The following SARS1 variants were observed in gnomAD, a reference collection of about 807,000 sequenced individuals.
SARS1 encodes seryl-tRNA synthetase 1, also known as serine--tRNA ligase, cytoplasmic.
Under a neutral mutation model 63.7 loss-of-function variants are expected in SARS1, and 25 were observed. The observed-to-expected ratio is 0.39, with a 90% confidence interval of 0.29 to 0.55. SARS1 has a LOEUF of 0.55. Among genes scored for constraint, SARS1 ranks in the 20% least tolerant of loss-of-function variants. The pLI, the probability that SARS1 is intolerant of heterozygous loss-of-function variation, is 0.62. For missense variants in SARS1, 417 were observed against 649.7 expected, an observed-to-expected ratio of 0.64 and a Z score of 3.89; for synonymous variants, 231 against 243.5, an observed-to-expected ratio of 0.95 and a Z score of 0.48.
At position 109,235,120 on chromosome 1, in the gene SARS1, C is replaced by T. The variant is rs1233222577; in HGVS notation, c.748-90C>T. On this transcript the variant is annotated intron_variant, in intron 6 of 10. Transcript: ENST00000234677. The surrounding 1 kb of genome is among the most constrained non-coding windows in gnomAD (Gnocchi z 4.7). ...CAGGGATTAAAGGAAATTTTTCCTG[C>T]ACTATTATTGATCTCTTTCTTGTGG... 8 of 1,033,696 alleles carry T rather than the reference C, an allele frequency of 7.7e-6. No individual in the cohort carries two copies. The highest frequency in any genetic ancestry group is 1.0e-5 in the Non-Finnish European group (7 of 666,840). 64.0% of individuals were successfully genotyped at this position (1,033,696 alleles called of 1,614,324 possible). A position where few individuals can be genotyped will look rare whatever the true frequency, so the allele number is the denominator to read the frequency against.
chr1:109,216,625 A>G, intron 1 of SARS1: 1 of 962,560 alleles, frequency 1.0e-6, no homozygotes, highest in African/African-American at 1.8e-5. Context: ...TTGAAAATTG[A>G]AGTTGTTGTT....
At position 109,216,500 on chromosome 1, in the gene SARS1, A is replaced by G. The variant is rs544217045; in HGVS notation, c.136+2372A>G. ...ACTTGGGCATATTTGTCTTGGCCCCACTCCCAAAGCAAATAGATTTCCATG... is the reference window on the plus strand; with the variant it reads ...ACTTGGGCATATTTGTCTTGGCCCCGCTCCCAAAGCAAATAGATTTCCATG... On this transcript the variant is annotated intron_variant, in intron 1 of 10. Coordinates refer to ENST00000234677, the MANE Select transcript of SARS1 (RefSeq NM_006513.4). The G allele has an allele frequency of 7.0e-5, 69 of 984,954 alleles. No individual in the cohort carries two copies. The South Asian group carries it at 3.2e-3, about 46-fold the overall frequency. 61.0% of individuals were successfully genotyped at this position (984,954 alleles called of 1,614,324 possible).
At position 109,238,047 on chromosome 1, in the gene SARS1, G is replaced by C. The variant is rs545342548; in HGVS notation, c.*159G>C. The C allele has an allele frequency of 8.8e-5, 66 of 753,684 alleles. 2 individuals carry two copies. The South Asian group carries it at 1.2e-3, about 14-fold the overall frequency. The allele number at this position is 753,684 out of a possible 1,614,324, so 46.7% of individuals were successfully genotyped here. A position where few individuals can be genotyped will look rare whatever the true frequency, so the allele number is the denominator to read the frequency against. ...TGCCATGTACCACACAGATGTTCCT[G>C]TCTCCTCGCATGGGCATAGGGACCC... On this transcript the variant is annotated 3_prime_UTR_variant, in exon 11 of 11. Transcript: ENST00000234677.
intron 6 of SARS1, 48 bp downstream of exon 6, chr1:109,231,834 C>G: frequency 7.1e-7 from 1 of 1,413,810 alleles, no homozygotes; most frequent in South Asian, 1.7e-5. Flanking sequence ...AGTTATGTAG[C>G]TTAACTTCAG....
chr1:109,217,592 G>C (rs1654821730), intron 1 of SARS1, among the ~76,000 whole-genome samples: 1 of 151,158 alleles, frequency 6.6e-6, no homozygotes, highest in Non-Finnish European at 1.5e-5. Flanking sequence ...ACAGCGTCTT[G>C]TTCTGTTGCC....
At chr1:109,227,321 C>T (rs1335147174) in intron 2 of SARS1, among the ~76,000 whole-genome samples, 1 of 152,044 alleles carries the variant, frequency 6.6e-6, no homozygotes, top group Non-Finnish European at 1.5e-5. Flanking sequence ...AAGAATTTAA[C>T]TCTTTAAGTG....
In SARS1 at chr1:109,238,000, T is replaced by C. The variant is rs1209593719; in HGVS notation, c.*112T>C. The C allele has an allele frequency of 8.2e-7, 1 of 1,220,684 alleles. No homozygotes were observed. The highest frequency in any genetic ancestry group is 1.5e-5 in the African/African-American group (1 of 65,928). 75.6% of individuals were successfully genotyped at this position (1,220,684 alleles called of 1,614,324 possible). A position where few individuals can be genotyped will look rare whatever the true frequency, so the allele number is the denominator to read the frequency against. The stretch of plus-strand genomic sequence containing the variant: ...ATTCATCCCCCTGCCCCCATCTGAC[T>C]GCGTAGCTGAGAGGGGAACAGTGCC... On this transcript the variant is annotated 3_prime_UTR_variant, in exon 11 of 11. Coordinates refer to ENST00000234677, the MANE Select transcript of SARS1 (RefSeq NM_006513.4). The surrounding 1 kb of genome is among the most constrained non-coding windows in gnomAD (Gnocchi z 4.1).
chr1:109,237,504 G>C lies in SARS1; in HGVS notation c.1387+131G>C. The C allele has an allele frequency of 1.4e-6, 2 of 1,383,366 alleles. No homozygotes were observed. The highest frequency in any genetic ancestry group is 2.0e-6 in the Non-Finnish European group (2 of 1,002,652). The allele number at this position is 1,383,366 out of a possible 1,614,324, so 85.7% of individuals were successfully genotyped here. On this transcript the variant is annotated intron_variant, in intron 10 of 10. Coordinates refer to ENST00000234677, the MANE Select transcript of SARS1 (RefSeq NM_006513.4). The surrounding 1 kb of genome is among the most constrained non-coding windows in gnomAD (Gnocchi z 4.1). ...CCCCTGAAACTCTGTCTGCCCTCTC[G>C]GGCTGGGCAGGGCAGGGGGCCTGGT...
chr1:109,234,358 T>A (rs1422453619), intron 6 of SARS1, among the ~76,000 whole-genome samples: 3 of 152,212 alleles, frequency 2.0e-5, no homozygotes, highest in Admixed American at 6.5e-5. Context: ...AAAGTATTTT[T>A]CTGTGTTACT....
At chr1:109,216,641 T>A in intron 1 of SARS1, 1 of 964,714 alleles carries the variant, frequency 1.0e-6, no homozygotes, top group Non-Finnish European at 1.2e-6. Flanking sequence ...TTGTTTCCTT[T>A]TTTTTTAATT....
intron 4 of SARS1, among the ~76,000 whole-genome samples, chr1:109,229,944 C>T (rs1039566502): frequency 6.6e-6 from 1 of 152,208 alleles, no homozygotes; most frequent in African/African-American, 2.4e-5. Context: ...AAGTTTCCTG[C>T]TGAGCGGGAG....
Position 109,214,728 on chromosome 1 carries a change from G to T in SARS1, c.136+600G>T. ...TTTAAGAATTAGAAAAGTCTTTTCC[G>T]TGGTAGATCAAACGCGAGGGGAGTG... On this transcript the variant is annotated intron_variant, in intron 1 of 10. Coordinates refer to ENST00000234677, the MANE Select transcript of SARS1 (RefSeq NM_006513.4). This position sits in a 1 kb window ranked among gnomAD's most constrained non-coding sequence, Gnocchi z 4.6. The T allele has an allele frequency of 1.0e-6, 1 of 985,490 alleles. No individual in the cohort carries two copies. Among genetic ancestry groups the T allele is most frequent in the Non-Finnish European group, 1.2e-6 (1 of 829,962 alleles). 61.0% of individuals were successfully genotyped at this position (985,490 alleles called of 1,614,324 possible).
chr1:109,217,136 G>C, intron 1 of SARS1: 1 of 985,374 alleles, frequency 1.0e-6, no homozygotes, highest in Non-Finnish European at 1.2e-6. Flanking sequence ...TGTCTGATAG[G>C]AATAGAATGT....
chr1:109,229,651 G>C (rs1655165388), intron 4 of SARS1, 79 bp downstream of exon 4: 1 of 1,411,630 alleles, frequency 7.1e-7, no homozygotes, highest in Non-Finnish European at 9.7e-7. Flanking sequence ...GGAGATCTGT[G>C]GAACACTGGC....
chr1:109,231,562 G>T, intron 5 of SARS1, 69 bp from the exon 6 acceptor site: 5 of 1,308,136 alleles, frequency 3.8e-6, no homozygotes, highest in Non-Finnish European at 4.0e-6. Context: ...GTGCCTTTAG[G>T]TGTCAGTTCT....
At position 109,237,673 on chromosome 1, in the gene SARS1, C is replaced by A; in HGVS notation, c.1388-58C>A. On this transcript the variant is annotated intron_variant, in intron 10 of 10. Transcript: ENST00000234677. The surrounding 1 kb of genome is among the most constrained non-coding windows in gnomAD (Gnocchi z 4.1). ...GTCTTGTTGAATTCTCCCCAGAGGT[C>A]TTAGGGCTTTGACTCACTGAGAAAC... The A allele has an allele frequency of 6.3e-7, 1 of 1,589,426 alleles. No homozygotes were observed. The highest frequency in any genetic ancestry group is 8.6e-7 in the Non-Finnish European group (1 of 1,162,382).
intron 6 of SARS1, among the ~76,000 whole-genome samples, chr1:109,232,332 A>G (rs1431098675): frequency 6.6e-6 from 1 of 152,240 alleles, no homozygotes; most frequent in Non-Finnish European, 1.5e-5. Flanking sequence ...ATTCTGATCA[A>G]CTGGCTCTAA....
At chr1:109,232,081 ACAC>A (rs1412921864) in intron 6 of SARS1, among the ~76,000 whole-genome samples, 5 of 152,354 alleles carry the variant, frequency 3.3e-5, no homozygotes, top group African/African-American at 1.2e-4. Flanking sequence ...GCATACTTGA[ACAC>A]CATGAGCTTA....
intron 4 of SARS1, 50 bp downstream of exon 4, chr1:109,229,622 T>G (rs1655163965): frequency 2.5e-6 from 4 of 1,574,106 alleles, no homozygotes; most frequent in Non-Finnish European, 3.5e-6. Context: ...CTGCTGTCTC[T>G]GCAGGGGCGG....
Sources: allele counts gnomAD v4.1 joint callset (sites outside exome capture counted in the v4.1 genomes callset), GRCh38; gene constraint gnomAD v4.1.1; non-coding constraint Gnocchi (gnomAD v3.1); transcripts MANE v1.5; gene names NCBI Gene and HGNC (gene_info 2026-07-23, HGNC 2026-07-21).